Variants in CCDC141 observed in about 807,000 individuals in gnomAD.
CCDC141 encodes coiled-coil domain containing 141, also known as coiled-coil domain-containing protein 141.
Under a neutral mutation model 181.0 loss-of-function variants are expected in CCDC141, and 168 were observed. The observed-to-expected ratio is 0.93, with a 90% CI of 0.82 to 1.05. The LOEUF is 1.05. CCDC141 is among the 50% of genes least tolerant of loss of function. CCDC141 has a pLI of 0.00. For synonymous variants in CCDC141, 666 were observed against 642.3 expected (o/e 1.04, Z -0.56); for missense variants, 1,902 against 1,788.5 (o/e 1.06, Z -1.14).
intron 5 of CCDC141, among the ~76,000 whole-genome samples, chr2:178,960,363 C>CAT (rs956080355): frequency 2.0e-5 from 3 of 152,136 alleles, no homozygotes; most frequent in Non-Finnish European, 2.9e-5. Flanking sequence ...CTCTTGGACT[C>CAT]ATATGCGCTT....
intron 16 of CCDC141, among the ~76,000 whole-genome samples, chr2:178,867,628 G>A (rs1270517083): frequency 1.3e-5 from 2 of 151,916 alleles, no homozygotes; most frequent in African/African-American, 4.8e-5. Context: ...ATACTTAAAA[G>A]TTGTCCCATA....
chr2:178,918,255 A>T (rs1688537813), intron 7 of CCDC141, among the ~76,000 whole-genome samples: 1 of 152,080 alleles, frequency 6.6e-6, no homozygotes, highest in Admixed American at 6.5e-5. Context: ...ACCAAAAAAA[A>T]AAAGTAGTCA....
intron 2 of CCDC141, among the ~76,000 whole-genome samples, chr2:179,005,251 A>G (rs1282517363): frequency 6.6e-6 from 1 of 152,218 alleles, no homozygotes; most frequent in East Asian, 1.9e-4. Flanking sequence ...AAATGGATCT[A>G]AACTATTCCA....
chr2:178,967,285 C>A (rs990975373), intron 4 of CCDC141, among the ~76,000 whole-genome samples: 1 of 151,968 alleles, frequency 6.6e-6, no homozygotes, highest in East Asian at 1.9e-4. Flanking sequence ...AAGAGCAACC[C>A]CAAGACACAT....
At chr2:179,040,774 C>T (rs747075119) in intron 2 of CCDC141, among the ~76,000 whole-genome samples, 6 of 152,168 alleles carry the variant, frequency 3.9e-5, no homozygotes, top group Admixed American at 6.5e-5. Flanking sequence ...TTTCTTTATC[C>T]AGTCTATCAT....
At chr2:179,045,072 A>G (rs1481404107) in intron 2 of CCDC141, among the ~76,000 whole-genome samples, 1 of 151,108 alleles carries the variant, frequency 6.6e-6, no homozygotes, top group Non-Finnish European at 1.5e-5. Flanking sequence ...CAGGTTAGTT[A>G]CATATGTATA....
Position 179,015,065 on chromosome 2 carries a change from G to GATATATATATAT in CCDC141, c.225+32218_225+32219insATATATATATAT, listed in dbSNP as rs1326648706. On this transcript the variant is annotated intron_variant, in intron 2 of 23. Coordinates refer to ENST00000443758, the MANE Select transcript of CCDC141 (RefSeq NM_173648.4). The stretch of plus-strand genomic sequence containing the variant: ...GAGTGGATAAACTGTGAGAGAGACA[G>GATATATATATAT]AGATATATATATATATATATATATA... Among the ~76,000 whole-genome samples the GATATATATATAT allele has an allele frequency of 3.6e-3, 39 of 10,970 alleles. 5 individuals are homozygous for GATATATATATAT. The highest frequency in any genetic ancestry group is 6.3e-3 in the African/African-American group (24 of 3,814). 7.2% of individuals were successfully genotyped at this position (10,970 alleles called of 152,430 possible).
At chr2:178,965,913 C>T (rs1690608466) in intron 4 of CCDC141, among the ~76,000 whole-genome samples, 2 of 152,146 alleles carry the variant, frequency 1.3e-5, no homozygotes, top group South Asian at 2.1e-4. Context: ...GAGATCGACC[C>T]GGTACGTTCC....
At chr2:178,998,436 T>C (rs1206195151) in intron 2 of CCDC141, among the ~76,000 whole-genome samples, 1 of 152,172 alleles carries the variant, frequency 6.6e-6, no homozygotes, top group Non-Finnish European at 1.5e-5. Flanking sequence ...ATATAAAAGA[T>C]TGAGGAGGAA....
At chr2:178,843,408 T>C (rs1167309435) in intron 22 of CCDC141, among the ~76,000 whole-genome samples, 2 of 152,216 alleles carry the variant, frequency 1.3e-5, no homozygotes, top group Admixed American at 1.3e-4. Context: ...GTTGCACGAC[T>C]TTAGGTGAGT....
At chr2:179,041,499 T>C (rs897699072) in intron 2 of CCDC141, among the ~76,000 whole-genome samples, 6 of 142,060 alleles carry the variant, frequency 4.2e-5, no homozygotes, top group Non-Finnish European at 6.1e-5. Context: ...GGGTTTTTTT[T>C]TTTTTTTTTT....
At chr2:178,849,906 T>C in intron 21 of CCDC141, 143 bp downstream of exon 21, 1 of 571,326 alleles carries the variant, frequency 1.8e-6, no homozygotes, top group Non-Finnish European at 3.1e-6. Context: ...ACCCAGATAA[T>C]TATGTTTGAA....
At position 178,855,533 on chromosome 2, in the gene CCDC141, T is replaced by A; in HGVS notation, c.2874A>T (p.Lys958Asn). The change falls in exon 19 of 24, where the codon AAA (lysine) becomes AAT (asparagine). Residue 958 changes from lysine to asparagine, a missense_variant. Physicochemically the swap from Lys to Asn is moderately conservative, Grantham distance 94. Coordinates refer to ENST00000443758, the MANE Select transcript of CCDC141 (RefSeq NM_173648.4). Reference protein sequence around the residue: ...DMYAEKMQALKRKMEKVSNKT... With the variant: ...DMYAEKMQALNRKMEKVSNKT... Reference sequence around the variant, plus strand: ...TATTACTAACTTTTTCCATTTTCCTTTTCAAAGCCTGTGTGAAAAACAAAA... The same window carrying A: ...TATTACTAACTTTTTCCATTTTCCTATTCAAAGCCTGTGTGAAAAACAAAA... The A allele has an allele frequency of 6.4e-7, 1 of 1,573,008 alleles. No homozygotes were observed. The highest frequency in any genetic ancestry group is 2.3e-5 in the East Asian group (1 of 43,400).
At chr2:179,044,954 A>G (rs187912118) in intron 2 of CCDC141, among the ~76,000 whole-genome samples, 1 of 137,810 alleles carries the variant, frequency 7.3e-6, no homozygotes, top group African/African-American at 2.6e-5. Context: ...GCTCTTCCAC[A>G]TCATAATGGG....
At chr2:178,901,656 A>G (rs1687699168) in intron 8 of CCDC141, among the ~76,000 whole-genome samples, 1 of 151,868 alleles carries the variant, frequency 6.6e-6, no homozygotes, top group South Asian at 2.1e-4. Flanking sequence ...TATCATACTG[A>G]ATGGGCAAAA....
intron 6 of CCDC141, among the ~76,000 whole-genome samples, chr2:178,920,525 C>T (rs1688638354): frequency 6.6e-6 from 1 of 152,056 alleles, no homozygotes; most frequent in African/African-American, 2.4e-5. Flanking sequence ...AGTTTGAGAC[C>T]AGCCTGGGCA....
chr2:179,033,039 T>C (rs2043042926), intron 2 of CCDC141, among the ~76,000 whole-genome samples: 1 of 145,840 alleles, frequency 6.9e-6, no homozygotes. Context: ...TTATAAAGTC[T>C]ATAGTTTAGA....
intron 4 of CCDC141, among the ~76,000 whole-genome samples, chr2:178,969,686 T>C (rs935399006): frequency 1.3e-5 from 2 of 152,022 alleles, no homozygotes; most frequent in African/African-American, 4.8e-5. Context: ...TGGGAAAAAA[T>C]TGGAAGCATT....
intron 7 of CCDC141, among the ~76,000 whole-genome samples, chr2:178,906,180 G>C (rs1687960512): frequency 6.6e-6 from 1 of 152,186 alleles, no homozygotes; most frequent in Non-Finnish European, 1.5e-5. Flanking sequence ...CCAAGATATT[G>C]TCTTGAGAGA....
Sources: allele counts gnomAD v4.1 joint callset (sites outside exome capture counted in the v4.1 genomes callset), GRCh38; gene constraint gnomAD v4.1.1; transcripts MANE v1.5; gene names NCBI Gene and HGNC (gene_info 2026-07-23, HGNC 2026-07-21).